The following TSPAN12 variants were observed in gnomAD, a reference collection of about 807,000 sequenced individuals.
TSPAN12 encodes the protein tetraspanin-12.
TSPAN12 carries 19 observed loss-of-function variants against 39.2 expected under a neutral mutation model. That is an observed-to-expected ratio of 0.49 (90% confidence interval 0.34 to 0.71). The LOEUF is 0.71. Ranked by LOEUF, TSPAN12 falls within the 30% of genes least tolerant of loss-of-function variation. TSPAN12 has a pLI of 0.01. For missense variants in TSPAN12, 314 were observed against 359.9 expected, an observed-to-expected ratio of 0.87 and a Z score of 1.03; for synonymous variants, 119 against 124.8, an observed-to-expected ratio of 0.95 and a Z score of 0.31.
chr7:120,796,484 T>C lies in TSPAN12; in HGVS notation c.613-7587A>G, dbSNP rs555728271. On this transcript the variant is annotated intron_variant, in intron 7 of 7. Transcript: ENST00000222747. ...TTATTGTTGTCATCGGCTACCACTGTGGTAAGTGGTATACTAACAGTTTCT... is the reference window on the plus strand; with the variant it reads ...TTATTGTTGTCATCGGCTACCACTGCGGTAAGTGGTATACTAACAGTTTCT... 1.1e-3 allele frequency among the ~76,000 whole-genome samples: 161 copies of C among 152,338 alleles called. 1 individual carries two copies. Among genetic ancestry groups the C allele is most frequent in the African/African-American group, 3.6e-3 (151 of 41,578 alleles).
chr7:120,821,180 A>T (rs1794180846), intron 4 of TSPAN12, among the ~76,000 whole-genome samples: 1 of 152,116 alleles, frequency 6.6e-6, no homozygotes, highest in African/African-American at 2.4e-5. Flanking sequence ...CCCCTACTAT[A>T]GACCAACTAA....
At chr7:120,802,815 G>A (rs1584927234) in intron 7 of TSPAN12, among the ~76,000 whole-genome samples, 1 of 152,160 alleles carries the variant, frequency 6.6e-6, no homozygotes, top group East Asian at 1.9e-4. Flanking sequence ...ACCTAACAAG[G>A]CTCCTGAATG....
At chr7:120,811,331 T>C (rs922980550) in intron 5 of TSPAN12, among the ~76,000 whole-genome samples, 7 of 152,104 alleles carry the variant, frequency 4.6e-5, no homozygotes, top group Non-Finnish European at 7.4e-5. Context: ...ATTGTAAAAA[T>C]GTGGAACCAG....
chr7:120,819,143 T>G (rs748657309), intron 4 of TSPAN12, among the ~76,000 whole-genome samples: 94 of 152,122 alleles, frequency 6.2e-4, no homozygotes, highest in Non-Finnish European at 1.2e-3. Context: ...ATTTGATATC[T>G]GGCTACAATG....
intron 1 of TSPAN12, chr7:120,857,109 C>A (rs1794887145): frequency 2.5e-6 from 1 of 400,248 alleles, no homozygotes; most frequent in Non-Finnish European, 4.7e-6. Flanking sequence ...TCTCAGGGGA[C>A]ACGCGGCGGA....
In TSPAN12 at chr7:120,856,732, C is replaced by T. The variant is rs1162773499; in HGVS notation, c.32G>A (p.Arg11His). The stretch of plus-strand genomic sequence containing the variant: ...CAGATTGAGGGCGTAGAGCAGGCAG[C>T]GCAGACACTTCACGGAATCTTCTCT... MAREDSVKCL[R>H]CLLYALNLLF... Residue 11 changes from arginine to histidine, a missense_variant, in exon 2 of 8, where the codon CGC becomes CAC. Coordinates refer to ENST00000222747, the MANE Select transcript of TSPAN12 (RefSeq NM_012338.4). The T allele has an allele frequency of 2.5e-6, 4 of 1,614,204 alleles. No homozygotes were observed. The highest frequency in any genetic ancestry group is 4.5e-5 in the East Asian group (2 of 44,868).
In TSPAN12 at chr7:120,788,910, T is replaced by C. The variant is rs370830258; in HGVS notation, c.613-13A>G. 3 of 1,613,542 alleles carry C rather than the reference T, an allele frequency of 1.9e-6. No homozygotes were observed. The highest frequency in any genetic ancestry group is 2.2e-5 in the East Asian group (1 of 44,888). Reference sequence around the variant, plus strand: ...TCTTCCCACAACCCTGTAAAAGAAATACATGGTCAACATTACTTTAGATAT... The same window carrying C: ...TCTTCCCACAACCCTGTAAAAGAAACACATGGTCAACATTACTTTAGATAT... On this transcript the variant is annotated splice_polypyrimidine_tract_variant and intron_variant, in intron 7 of 7. Transcript: ENST00000222747.
chr7:120,815,618 C>G, intron 5 of TSPAN12, 111 bp downstream of exon 5: 2 of 982,342 alleles, frequency 2.0e-6, no homozygotes, highest in Non-Finnish European at 3.1e-6. Context: ...TACAAATTAC[C>G]CAGTCTTGGG....
intron 2 of TSPAN12, among the ~76,000 whole-genome samples, chr7:120,843,090 A>T (rs1794608824): frequency 6.6e-6 from 1 of 152,176 alleles, no homozygotes; most frequent in Admixed American, 6.5e-5. Context: ...CTGTCAAAGG[A>T]GTCAATGGCC....
chr7:120,821,233 C>A (rs1214327937), intron 4 of TSPAN12, among the ~76,000 whole-genome samples: 1 of 151,878 alleles, frequency 6.6e-6, no homozygotes, highest in East Asian at 1.9e-4. Context: ...AACCTACATT[C>A]ATGAAAAAAA....
chr7:120,805,577 G>A (rs998494705), intron 7 of TSPAN12, among the ~76,000 whole-genome samples: 3 of 152,114 alleles, frequency 2.0e-5, no homozygotes, highest in Admixed American at 1.3e-4. Context: ...AGAGGTGTAT[G>A]TGGGGAATGA....
upstream of TSPAN12, chr7:120,858,160 G>C (rs1794913745): frequency 6.6e-6 from 1 of 152,302 alleles, no homozygotes; most frequent in Non-Finnish European, 1.5e-5. Context: ...CGAGCCGCTG[G>C]CTGCCGGGGT....
Position 120,809,976 on chromosome 7 carries a change from C to T in TSPAN12, c.468+487G>A, listed in dbSNP as rs183636292. Among the ~76,000 whole-genome samples the T allele has an allele frequency of 1.6e-4, 25 of 152,174 alleles. No individual in the cohort carries two copies. In the Middle Eastern group the frequency reaches 0.01, roughly 62 times the overall value. On this transcript the variant is annotated intron_variant, in intron 6 of 7. Coordinates refer to ENST00000222747, the MANE Select transcript of TSPAN12 (RefSeq NM_012338.4). ...AAGGGAGTTATGTAAATTATAGAAGCTCACTTAATAGCAAGCAGCACAGCT... is the reference window on the plus strand; with the variant it reads ...AAGGGAGTTATGTAAATTATAGAAGTTCACTTAATAGCAAGCAGCACAGCT...
At chr7:120,807,874 T>C (rs1204219555) in intron 6 of TSPAN12, among the ~76,000 whole-genome samples, 1 of 152,132 alleles carries the variant, frequency 6.6e-6, no homozygotes, top group African/African-American at 2.4e-5. Context: ...AAATACTTTA[T>C]ATATATTTTT....
Position 120,840,036 on chromosome 7 carries a change from G to A in TSPAN12, c.140C>T (p.Ala47Val). 1 of 1,611,312 alleles carries A rather than the reference G, an allele frequency of 6.2e-7. No homozygotes were observed. The highest frequency in any genetic ancestry group is 1.1e-5 in the South Asian group (1 of 91,018). Residue 47 changes from alanine to valine, a missense_variant, in exon 3 of 8, where the codon GCA becomes GTA. Physicochemically the swap from Ala to Val is moderately conservative, Grantham distance 64. Coordinates refer to ENST00000222747, the MANE Select transcript of TSPAN12 (RefSeq NM_012338.4). The stretch of plus-strand genomic sequence containing the variant: ...TAATTATAAAGTATACCTCGTTTCT[G>A]CAGTTAAAGTGAGAACATTATTTAG... The part of the protein sequence containing the change: ...DYLNNVLTLT[A>V]ETRVEEAVIL...
chr7:120,835,420 T>C (rs1794458527), intron 4 of TSPAN12, among the ~76,000 whole-genome samples: 1 of 152,164 alleles, frequency 6.6e-6, no homozygotes, highest in Non-Finnish European at 1.5e-5. Flanking sequence ...CAGGACACAT[T>C]TGTAAACACT....
chr7:120,806,274 C>T (rs1793871162), intron 7 of TSPAN12, among the ~76,000 whole-genome samples: 1 of 151,960 alleles, frequency 6.6e-6, no homozygotes, highest in Admixed American at 6.6e-5. Context: ...CAAAGGATCC[C>T]CAAGCAGTAG....
chr7:120,822,262 T>C (rs898264777), intron 4 of TSPAN12, among the ~76,000 whole-genome samples: 1 of 151,974 alleles, frequency 6.6e-6, no homozygotes, highest in South Asian at 2.1e-4. Context: ...ACAGACAAAA[T>C]AGTAAAATCT....
At chr7:120,800,764 T>TTC (rs1228266115) in intron 7 of TSPAN12, among the ~76,000 whole-genome samples, 3 of 149,308 alleles carry the variant, frequency 2.0e-5, no homozygotes, top group East Asian at 3.9e-4. Context: ...GTTTTTTTTT[T>TTC]TTGAGACAGA....
Sources: allele counts gnomAD v4.1 joint callset (sites outside exome capture counted in the v4.1 genomes callset), GRCh38; gene constraint gnomAD v4.1.1; transcripts MANE v1.5; gene names NCBI Gene and HGNC (gene_info 2026-07-23, HGNC 2026-07-21).